ATP10B: variants seen among roughly 807,000 people sequenced by gnomAD.
ATP10B encodes ATPase phospholipid transporting 10B (putative).
ATP10B carries 122 observed loss-of-function variants against 141.2 expected under a neutral mutation model. The observed-to-expected ratio is 0.86, with a 90% CI of 0.75 to 1.00. The LOEUF is 1.00. ATP10B is among the 50% of genes least tolerant of loss of function. The pLI is 0.00. For synonymous variants in ATP10B, 685 were observed against 692.0 expected (o/e 0.99, Z 0.16); for missense variants, 1,876 against 1,825.3 (o/e 1.03, Z -0.51).
At chr5:160,570,550 A>T (rs959892732) in intron 24 of ATP10B, among the ~76,000 whole-genome samples, 6 of 152,202 alleles carry the variant, frequency 3.9e-5, no homozygotes, top group African/African-American at 1.4e-4. Flanking sequence ...CTCCTGAATT[A>T]CACACGAGAT....
At chr5:160,815,267 G>T (rs927595525) in intron 1 of ATP10B, among the ~76,000 whole-genome samples, 1 of 152,082 alleles carries the variant, frequency 6.6e-6, no homozygotes, top group Admixed American at 6.5e-5. Context: ...ACACACATAG[G>T]CTCAAAATAA....
the ATP10B span, among the ~76,000 whole-genome samples, chr5:160,922,998 T>C: frequency 1.3e-5 from 2 of 152,328 alleles, no homozygotes; most frequent in South Asian, 2.1e-4. Flanking sequence ...CAAGTATTTG[T>C]TTGGAAGACT....
intron 1 of ATP10B, among the ~76,000 whole-genome samples, chr5:160,800,712 T>C (rs1403861701): frequency 6.6e-6 from 1 of 152,248 alleles, no homozygotes; most frequent in Non-Finnish European, 1.5e-5. Flanking sequence ...CTTTCTTCAC[T>C]GGATTCCACA....
At chr5:160,927,746 A>G in the ATP10B span, among the ~76,000 whole-genome samples, 18 of 152,368 alleles carry the variant, frequency 1.2e-4, no homozygotes, top group African/African-American at 4.3e-4. Flanking sequence ...AAAGGTCTCT[A>G]CACTCATGGG....
intron 13 of ATP10B, among the ~76,000 whole-genome samples, chr5:160,629,031 C>T (rs1241931268): frequency 6.6e-6 from 1 of 152,102 alleles, no homozygotes; most frequent in African/African-American, 2.4e-5. Context: ...CAACAACTGG[C>T]TTCTTTAGAA....
At chr5:160,595,134 G>C (rs948583877) in intron 22 of ATP10B, among the ~76,000 whole-genome samples, 1 of 152,128 alleles carries the variant, frequency 6.6e-6, no homozygotes, top group African/African-American at 2.4e-5. Flanking sequence ...TGACCACATA[G>C]TTGGAAGTAA....
chr5:160,835,431 C>A (rs1425737641), intron 1 of ATP10B, among the ~76,000 whole-genome samples: 1 of 152,078 alleles, frequency 6.6e-6, no homozygotes, highest in Non-Finnish European at 1.5e-5. Flanking sequence ...AGCATATGGT[C>A]ATCTCTATCT....
intron 2 of ATP10B, among the ~76,000 whole-genome samples, chr5:160,718,451 TA>T (rs942094450): frequency 1.3e-5 from 2 of 152,208 alleles, no homozygotes; most frequent in Non-Finnish European, 2.9e-5. Flanking sequence ...GCTCTAACAA[TA>T]CCATGGTCTC....
chr5:160,856,247 T>C (rs1294992493), upstream of ATP10B, among the ~76,000 whole-genome samples: 1 of 151,872 alleles, frequency 6.6e-6, no homozygotes, highest in African/African-American at 2.4e-5. Flanking sequence ...TTCATTTATG[T>C]TATCAACATC....
At chr5:160,588,447 C>G (rs960951043) in intron 24 of ATP10B, among the ~76,000 whole-genome samples, 1 of 152,090 alleles carries the variant, frequency 6.6e-6, no homozygotes, top group Non-Finnish European at 1.5e-5. Context: ...ACATGCTGAG[C>G]CTACTTGGGG....
chr5:160,627,920 AGAG>A (rs1758694422), intron 13 of ATP10B, among the ~76,000 whole-genome samples: 1 of 152,322 alleles, frequency 6.6e-6, no homozygotes, highest in Admixed American at 6.5e-5. Context: ...TGGTGGGAAG[AGAG>A]GAGGGAGGGA....
At chr5:160,654,524 G>A (rs1183704862) in intron 7 of ATP10B, among the ~76,000 whole-genome samples, 1 of 152,096 alleles carries the variant, frequency 6.6e-6, no homozygotes, top group Non-Finnish European at 1.5e-5. Context: ...CAGCTCTTTA[G>A]GTCAGACCTA....
chr5:160,812,643 A>T (rs993158645), intron 1 of ATP10B, among the ~76,000 whole-genome samples: 3 of 152,200 alleles, frequency 2.0e-5, no homozygotes, highest in Admixed American at 6.5e-5. Context: ...TAATAGCAGA[A>T]TTGATCAGGC....
chr5:160,797,948 GAA>G (rs34913318), intron 1 of ATP10B, among the ~76,000 whole-genome samples: 3 of 127,550 alleles, frequency 2.4e-5, no homozygotes, highest in African/African-American at 8.6e-5. Flanking sequence ...AAGAAAAAAA[GAA>G]AAAAAAAAAA....
intron 1 of ATP10B, among the ~76,000 whole-genome samples, chr5:160,819,457 A>G (rs1773937724): frequency 6.6e-6 from 1 of 152,226 alleles, no homozygotes; most frequent in Admixed American, 6.5e-5. Context: ...AGAAAATGAC[A>G]TTAATGAACA....
chr5:160,677,011 C>G (rs1299259800), intron 6 of ATP10B, among the ~76,000 whole-genome samples: 2 of 152,070 alleles, frequency 1.3e-5, no homozygotes, highest in African/African-American at 4.8e-5. Flanking sequence ...GCTGATTGAG[C>G]CTCAGAAGAA....
At chr5:160,839,143 T>C (rs555510235) in intron 1 of ATP10B, among the ~76,000 whole-genome samples, 17 of 152,284 alleles carry the variant, frequency 1.1e-4, no homozygotes, top group African/African-American at 3.8e-4. Flanking sequence ...TCTCAGGTAT[T>C]CCTTTATAGT....
the ATP10B span, among the ~76,000 whole-genome samples, chr5:160,924,258 C>T: frequency 1.4e-4 from 22 of 152,210 alleles, no homozygotes; most frequent in Non-Finnish European, 2.4e-4. Context: ...AGTTGAAGGG[C>T]ATGTGTTTAA....
At chr5:160,755,688 G>A (rs865892343) in intron 2 of ATP10B, among the ~76,000 whole-genome samples, 13 of 147,888 alleles carry the variant, frequency 8.8e-5, no homozygotes, top group South Asian at 2.1e-4. Context: ...AGTGGCGGGC[G>A]CCTGTAGTCC....
Sources: allele counts gnomAD v4.1 joint callset (sites outside exome capture counted in the v4.1 genomes callset), GRCh38; gene constraint gnomAD v4.1.1; transcripts MANE v1.5; gene names NCBI Gene and HGNC (gene_info 2026-07-23, HGNC 2026-07-21).